PROM1: variants seen among roughly 807,000 people sequenced by gnomAD.
The protein encoded by PROM1 is prominin-1.
In PROM1, 105 loss-of-function variants were observed where a neutral mutation model predicts 116.9. The observed-to-expected ratio is 0.90, with a 90% CI of 0.77 to 1.06. The LOEUF is 1.06. Ranked by LOEUF, PROM1 falls within the 50% of genes least tolerant of loss-of-function variation. The pLI is 0.00. For missense variants in PROM1, 1,122 were observed against 1,045.2 expected, an observed-to-expected ratio of 1.07 and a Z score of -1.01; for synonymous variants, 393 against 387.0, an observed-to-expected ratio of 1.02 and a Z score of -0.18.
intron 15 of PROM1, among the ~76,000 whole-genome samples, chr4:15,994,526 C>T (rs1034745362): frequency 1.3e-5 from 2 of 152,210 alleles, no homozygotes; most frequent in Non-Finnish European, 2.9e-5. Context: ...ACTAAATATA[C>T]GCTTAGACGT....
chr4:16,044,074 G>A (rs1048592267), intron 2 of PROM1, among the ~76,000 whole-genome samples: 26 of 152,240 alleles, frequency 1.7e-4, no homozygotes, highest in African/African-American at 6.3e-4. Flanking sequence ...GCGTGCGTAT[G>A]TGTGCGATTT....
intron 11 of PROM1, among the ~76,000 whole-genome samples, chr4:16,010,316 G>A (rs888542228): frequency 6.6e-6 from 1 of 152,080 alleles, no homozygotes; most frequent in Non-Finnish European, 1.5e-5. Flanking sequence ...TTCTTGACAC[G>A]GACATACTAA....
intron 14 of PROM1, among the ~76,000 whole-genome samples, chr4:15,999,457 T>A (rs148666918): frequency 0.015 from 2,267 of 150,490 alleles, 54 homozygotes; most frequent in African/African-American, 0.052. Flanking sequence ...GGTGACAGAG[T>A]GAGACTCCGT....
intron 1 of PROM1, chr4:16,083,088 T>C (rs1451292138): frequency 6.6e-6 from 1 of 152,298 alleles, no homozygotes; most frequent in Non-Finnish European, 1.5e-5. Flanking sequence ...TGTACCCCCA[T>C]ATCCCTACTC....
rs953440200 is a variant in PROM1, at chr4:15,994,043, C to T, written c.1711G>A (p.Gly571Ser). 6.8e-6 allele frequency: 11 copies of T among 1,613,762 alleles called. No homozygotes were observed. The highest frequency in any genetic ancestry group is 2.2e-5 in the East Asian group (1 of 44,890). The change falls in exon 16 of 28, where the codon GGC becomes AGC. Residue 571 changes from glycine (G) to serine (S), a missense_variant. By Grantham distance (56) the Gly-to-Ser change is moderately conservative. Transcript: ENST00000447510. ...SDCKKNRGTYGTLHLQNSFNI... is the reference protein window; with the variant it reads ...SDCKKNRGTYSTLHLQNSFNI... ...AAGCTGTTCTGCAGGTGAAGAGTGC[C>T]GTAAGTGCCTCTATTTTTTTTGCAG...
At chr4:16,049,535 C>T (rs1019671994) in intron 2 of PROM1, among the ~76,000 whole-genome samples, 2 of 152,184 alleles carry the variant, frequency 1.3e-5, no homozygotes, top group Non-Finnish European at 2.9e-5. Context: ...GAAATACGCA[C>T]TTCTTGACAA....
intron 16 of PROM1, among the ~76,000 whole-genome samples, chr4:15,993,413 GCCC>G (rs1241432919): frequency 9.2e-5 from 14 of 152,214 alleles, no homozygotes; most frequent in African/African-American, 3.4e-4. Context: ...AGGCCAGTGT[GCCC>G]TGGAATGGTC....
chr4:16,062,094 G>A (rs542041379), intron 2 of PROM1, among the ~76,000 whole-genome samples: 20 of 151,726 alleles, frequency 1.3e-4, no homozygotes, highest in South Asian at 2.1e-4. Context: ...GGGTTTCACC[G>A]TGTTGGCCAG....
chr4:16,082,565 C>T (rs1745236931), intron 1 of PROM1: 1 of 152,266 alleles, frequency 6.6e-6, no homozygotes, highest in African/African-American at 2.4e-5. Context: ...GCCTAGCTCC[C>T]TTCTGGGCGG....
intron 10 of PROM1, among the ~76,000 whole-genome samples, chr4:16,014,582 A>AT (rs957438053): frequency 2.0e-5 from 3 of 152,218 alleles, no homozygotes; most frequent in African/African-American, 7.2e-5. Flanking sequence ...GGTTGCAAAT[A>AT]TTTTTTGTGA....
At chr4:15,980,237 A>G in intron 24 of PROM1, 185 bp downstream of exon 24, 1 of 660,400 alleles carries the variant, frequency 1.5e-6, no homozygotes, top group Non-Finnish European at 2.7e-6. Flanking sequence ...AGTAGTTAAA[A>G]CAAGTATAGA....
chr4:16,077,424 T>A (rs1327742515), intron 1 of PROM1, among the ~76,000 whole-genome samples: 1 of 152,058 alleles, frequency 6.6e-6, no homozygotes, highest in Non-Finnish European at 1.5e-5. Context: ...CCCTGCCACA[T>A]CCCCCTCTCT....
chr4:15,988,065 A>G (rs994060398), intron 19 of PROM1, among the ~76,000 whole-genome samples: 3 of 151,764 alleles, frequency 2.0e-5, no homozygotes, highest in Non-Finnish European at 2.9e-5. Flanking sequence ...TTTAGTAGAG[A>G]CGGGGTTTCA....
chr4:16,025,943 T>C (rs561586066), intron 5 of PROM1, among the ~76,000 whole-genome samples: 8 of 152,324 alleles, frequency 5.3e-5, no homozygotes, highest in Non-Finnish European at 5.9e-5. Flanking sequence ...TTATTTCATC[T>C]ACAGAAAGTG....
intron 14 of PROM1, among the ~76,000 whole-genome samples, chr4:15,998,918 C>T (rs187765612): frequency 4.6e-5 from 7 of 152,072 alleles, no homozygotes; most frequent in African/African-American, 9.6e-5. Context: ...CTAGTAGAAA[C>T]AGCATTTCAC....
chr4:16,043,836 T>C (rs2149436324), intron 2 of PROM1, among the ~76,000 whole-genome samples: 1 of 152,292 alleles, frequency 6.6e-6, no homozygotes, highest in East Asian at 1.9e-4. Context: ...CCAGGGTGTG[T>C]GGCCTGGGAG....
At chr4:16,050,129 T>C (rs561182750) in intron 2 of PROM1, among the ~76,000 whole-genome samples, 198 of 151,842 alleles carry the variant, frequency 1.3e-3, no homozygotes, top group Non-Finnish European at 8.2e-4. Flanking sequence ...GGCGCGGTGG[T>C]GGGCACCTAT....
intron 11 of PROM1, among the ~76,000 whole-genome samples, chr4:16,011,425 C>G (rs17387271): frequency 6.6e-6 from 1 of 152,154 alleles, no homozygotes; most frequent in East Asian, 1.9e-4. Context: ...AACCTAAACA[C>G]GAGAGCAAAG....
At chr4:16,021,994 G>C (rs184627813) in intron 8 of PROM1, among the ~76,000 whole-genome samples, 1 of 152,068 alleles carries the variant, frequency 6.6e-6, no homozygotes, top group African/African-American at 2.4e-5. Context: ...AGAAGAGGAA[G>C]GGACATCAGA....
Sources: gnomAD v4.1 joint callset for allele counts (sites outside exome capture counted in the v4.1 genomes callset) on GRCh38, gnomAD v4.1.1 for gene constraint, MANE v1.5 for transcripts, NCBI Gene and HGNC (gene_info 2026-07-23, HGNC 2026-07-21) for gene names.